ACBD6: variants seen among roughly 807,000 people sequenced by gnomAD.
ACBD6 encodes acyl-CoA-binding domain-containing protein 6.
ACBD6 carries 28 observed loss-of-function variants against 37.2 expected under a neutral mutation model. The ratio of observed to expected loss-of-function variants is 0.75; its 90% CI spans 0.56 to 1.03. ACBD6 has a LOEUF of 1.03. ACBD6 is among the 50% of genes least tolerant of loss of function. The probability of loss-of-function intolerance (pLI) is 0.00; values close to 1 mark genes in which losing one functional copy is unlikely to be tolerated. For missense variants in ACBD6, 340 were observed against 337.4 expected, an observed-to-expected ratio of 1.01 and a Z score of -0.06; for synonymous variants, 113 against 126.8, an observed-to-expected ratio of 0.89 and a Z score of 0.73.
intron 3 of ACBD6, among the ~76,000 whole-genome samples, chr1:180,476,942 T>C (rs1650820184): frequency 6.6e-6 from 1 of 152,192 alleles, no homozygotes; most frequent in South Asian, 2.1e-4. Flanking sequence ...TATATATCTA[T>C]TAACCAGTTC....
rs141736084 is a variant in ACBD6, at chr1:180,486,175, C to T, written c.384+6094G>A. 8.6e-4 allele frequency among the ~76,000 whole-genome samples: 131 copies of T among 152,278 alleles called. 1 individual carries two copies. The highest frequency in any genetic ancestry group is 3.1e-3 in the African/African-American group (130 of 41,568). On this transcript the variant is annotated intron_variant, in intron 3 of 7. Transcript: ENST00000367595. ...CAGGGATGAGGTAACGTATCTCTAT[C>T]CCCTGACAACAATCAGGCTTGCTAA...
chr1:180,297,772 C>T (rs1432434723), intron 7 of ACBD6, among the ~76,000 whole-genome samples: 1 of 152,174 alleles, frequency 6.6e-6, no homozygotes, highest in Non-Finnish European at 1.5e-5. Context: ...TGGAGTCTTA[C>T]TCTTGTCGCC....
chr1:180,498,956 T>C (rs1374671554), intron 1 of ACBD6, among the ~76,000 whole-genome samples: 2 of 152,108 alleles, frequency 1.3e-5, no homozygotes, highest in African/African-American at 4.8e-5. Flanking sequence ...CAATTAGCTA[T>C]CTTTAGGAGG....
intron 1 of ACBD6, among the ~76,000 whole-genome samples, chr1:180,499,011 C>T (rs1571588220): frequency 6.6e-6 from 1 of 151,860 alleles, no homozygotes; most frequent in Non-Finnish European, 1.5e-5. Flanking sequence ...ATTGTTCATT[C>T]GATTTTGTTA....
intron 6 of ACBD6, among the ~76,000 whole-genome samples, chr1:180,386,762 T>C (rs1023622255): frequency 1.3e-5 from 2 of 152,142 alleles, no homozygotes; most frequent in African/African-American, 4.8e-5. Flanking sequence ...TTCTATTTAG[T>C]TCCTTTTTAG....
At chr1:180,428,936 G>A (rs529504399) in intron 4 of ACBD6, among the ~76,000 whole-genome samples, 2 of 152,094 alleles carry the variant, frequency 1.3e-5, no homozygotes, top group South Asian at 2.1e-4. Flanking sequence ...TCTTACAATA[G>A]GGCTCTTAGG....
At chr1:180,282,044 CT>C (rs1179995595) in intron 8 of ACBD6, among the ~76,000 whole-genome samples, 3 of 152,102 alleles carry the variant, frequency 2.0e-5, no homozygotes, top group Non-Finnish European at 2.9e-5. Flanking sequence ...AGAACCCTTT[CT>C]TTTTGGTGAT....
rs375689047 is a variant in ACBD6, at chr1:180,457,901, T to C, written c.385-27639A>G. 7.2e-5 allele frequency among the ~76,000 whole-genome samples: 11 copies of C among 151,862 alleles called. No homozygotes were observed. In the East Asian group the frequency reaches 1.9e-3, roughly 27 times the overall value. ...TTCACCTCCCAGGTTCAAGTGATTC[T>C]CCTGTCTCAGCCTCCTGAGTAGCTG... On this transcript the variant is annotated intron_variant, in intron 3 of 7. Coordinates refer to ENST00000367595, the MANE Select transcript of ACBD6 (RefSeq NM_032360.4).
At chr1:180,316,180 A>G (rs2764434) in intron 6 of ACBD6, among the ~76,000 whole-genome samples, 6,883 of 152,182 alleles carry the variant, frequency 0.045, 225 homozygotes, top group South Asian at 0.059. Flanking sequence ...GCAGCCTGAC[A>G]ATGTGAAGTT....
At chr1:180,332,982 C>G (rs1260580902) in intron 6 of ACBD6, among the ~76,000 whole-genome samples, 1 of 152,292 alleles carries the variant, frequency 6.6e-6, no homozygotes, top group African/African-American at 2.4e-5. Flanking sequence ...GTTCTTAAAA[C>G]ATTTTGGTTT....
intron 5 of ACBD6, among the ~76,000 whole-genome samples, chr1:180,408,234 A>T (rs1370921856): frequency 6.6e-6 from 1 of 152,204 alleles, no homozygotes; most frequent in Admixed American, 6.5e-5. Context: ...AGCAATGAGT[A>T]TTTACATAGT....
intron 6 of ACBD6, among the ~76,000 whole-genome samples, chr1:180,372,795 A>C (rs1205913323): frequency 6.6e-6 from 1 of 152,206 alleles, no homozygotes; most frequent in African/African-American, 2.4e-5. Flanking sequence ...GTACAGACTG[A>C]ACATCAGCAA....
At chr1:180,442,479 T>C (rs149453899) in intron 3 of ACBD6, among the ~76,000 whole-genome samples, 7 of 152,334 alleles carry the variant, frequency 4.6e-5, no homozygotes, top group South Asian at 4.1e-4. Flanking sequence ...GGAGCAAAGA[T>C]TGAAAAACTC....
intron 9 of ACBD6, chr1:180,278,196 C>T (rs182835564): frequency 6.6e-6 from 1 of 152,328 alleles, no homozygotes; most frequent in Admixed American, 6.5e-5. Context: ...CCTGAGGAGG[C>T]TCATTTTTAA....
intron 3 of ACBD6, among the ~76,000 whole-genome samples, chr1:180,449,518 C>G (rs1649613863): frequency 6.6e-6 from 1 of 151,718 alleles, no homozygotes; most frequent in African/African-American, 2.4e-5. Context: ...AGTGATTCTC[C>G]TGCCTCAGCC....
exon 14 of ACBD6, chr1:180,270,205 A>T (rs1004770295): frequency 2.6e-5 from 4 of 152,254 alleles, no homozygotes; most frequent in Non-Finnish European, 4.4e-5. Context: ...GAATGCATAT[A>T]AAGTCCTTAG....
At chr1:180,291,417 C>CTA (rs1421417528) in intron 7 of ACBD6, among the ~76,000 whole-genome samples, 1 of 152,128 alleles carries the variant, frequency 6.6e-6, no homozygotes. Flanking sequence ...CTAGTTAGGT[C>CTA]TATGGTGGCT....
intron 6 of ACBD6, among the ~76,000 whole-genome samples, chr1:180,395,171 T>C (rs1471528647): frequency 1.3e-5 from 2 of 152,182 alleles, no homozygotes; most frequent in East Asian, 3.9e-4. Context: ...TGATACATTC[T>C]CCTGGGAACT....
intron 7 of ACBD6, among the ~76,000 whole-genome samples, chr1:180,294,204 T>C (rs1001728555): frequency 5.9e-5 from 9 of 152,092 alleles, no homozygotes; most frequent in Non-Finnish European, 2.9e-5. Flanking sequence ...TTTCTATTTC[T>C]TTTTCAGAAA....
Sources: gnomAD v4.1 joint callset for allele counts (sites outside exome capture counted in the v4.1 genomes callset) on GRCh38, gnomAD v4.1.1 for gene constraint, MANE v1.5 for transcripts, NCBI Gene and HGNC (gene_info 2026-07-23, HGNC 2026-07-21) for gene names.